The following PDE10A variants were observed in gnomAD, a reference collection of about 807,000 sequenced individuals.
PDE10A encodes phosphodiesterase 10A.
Under a neutral mutation model 97.7 loss-of-function variants are expected in PDE10A, and 39 were observed. That is an observed-to-expected ratio of 0.40 (90% confidence interval 0.31 to 0.52). The LOEUF (loss-of-function observed/expected upper bound fraction) is 0.52. Ranked by LOEUF, PDE10A falls within the 20% of genes least tolerant of loss-of-function variation. The probability of loss-of-function intolerance (pLI) is 0.56; values close to 1 mark genes in which losing one functional copy is unlikely to be tolerated. For missense variants in PDE10A, 731 were observed against 1,047.8 expected, an observed-to-expected ratio of 0.70 and a Z score of 4.17; for synonymous variants, 371 against 376.8, an observed-to-expected ratio of 0.98 and a Z score of 0.18.
chr6:165,839,680 C>T (rs1361917772), intron 1 of PDE10A, among the ~76,000 whole-genome samples: 8 of 150,280 alleles, frequency 5.3e-5, no homozygotes, highest in African/African-American at 9.8e-5. Context: ...TCCTGATGTC[C>T]GTGTCCATCT....
At chr6:165,794,532 A>T (rs1035555887) in intron 1 of PDE10A, among the ~76,000 whole-genome samples, 8 of 151,698 alleles carry the variant, frequency 5.3e-5, no homozygotes, top group African/African-American at 1.9e-4. Context: ...GCACACCCTC[A>T]CACACACTCA....
chr6:165,498,818 T>C (rs1166299738), intron 2 of PDE10A, among the ~76,000 whole-genome samples: 1 of 152,222 alleles, frequency 6.6e-6, no homozygotes, highest in African/African-American at 2.4e-5. Flanking sequence ...TTTTTGTTAT[T>C]ATTAGAGTAC....
At chr6:165,679,066 C>T (rs1790903569) in intron 1 of PDE10A, among the ~76,000 whole-genome samples, 1 of 152,178 alleles carries the variant, frequency 6.6e-6, no homozygotes. Flanking sequence ...ACATGAGAGA[C>T]ATTTAAAGTA....
At chr6:165,591,813 T>C (rs1786287953) in intron 1 of PDE10A, among the ~76,000 whole-genome samples, 1 of 152,182 alleles carries the variant, frequency 6.6e-6, no homozygotes, top group African/African-American at 2.4e-5. Context: ...GAAAGAAACT[T>C]AAAACTCCAT....
chr6:165,952,689 G>A (rs549404033), intron 1 of PDE10A, among the ~76,000 whole-genome samples: 39 of 152,326 alleles, frequency 2.6e-4, no homozygotes, highest in Non-Finnish European at 5.4e-4. Flanking sequence ...TGCACGGGAC[G>A]GAAAGCGCAG....
chr6:165,788,518 CAAAAAAAAAAAA>C (rs56927613), intron 1 of PDE10A, among the ~76,000 whole-genome samples: 2 of 74,764 alleles, frequency 2.7e-5, no homozygotes, highest in Non-Finnish European at 4.6e-5. Flanking sequence ...AACTCTGTCT[CAAAAAAAAAAAA>C]AAAAAAAAAG....
intron 2 of PDE10A, among the ~76,000 whole-genome samples, chr6:165,520,780 C>T (rs554148942): frequency 6.6e-6 from 1 of 152,198 alleles, no homozygotes; most frequent in East Asian, 1.9e-4. Flanking sequence ...GAATATGACA[C>T]ACCCTTTGTA....
intron 18 of PDE10A, among the ~76,000 whole-genome samples, chr6:165,362,238 G>A (rs1288436884): frequency 6.6e-6 from 1 of 152,028 alleles, no homozygotes; most frequent in Non-Finnish European, 1.5e-5. Flanking sequence ...AAAAATCAAT[G>A]ATACCAAAAG....
At chr6:165,497,365 A>G (rs1482924463) in intron 2 of PDE10A, among the ~76,000 whole-genome samples, 1 of 152,188 alleles carries the variant, frequency 6.6e-6, no homozygotes, top group African/African-American at 2.4e-5. Context: ...TGTGAACTGC[A>G]CGTGTTCTTC....
At chr6:165,450,854 C>T (rs764315792) in intron 3 of PDE10A, among the ~76,000 whole-genome samples, 5 of 152,208 alleles carry the variant, frequency 3.3e-5, no homozygotes, top group Non-Finnish European at 4.4e-5. Flanking sequence ...TGAGCCACTG[C>T]ACCCGGCCGA....
At chr6:165,645,731 G>C (rs1789360821) in intron 1 of PDE10A, among the ~76,000 whole-genome samples, 1 of 151,598 alleles carries the variant, frequency 6.6e-6, no homozygotes, top group African/African-American at 2.4e-5. Context: ...GTGTGCACCT[G>C]TAATCCCAGC....
intron 5 of PDE10A, among the ~76,000 whole-genome samples, chr6:165,448,387 C>A (rs563525622): frequency 2.4e-4 from 36 of 152,224 alleles, no homozygotes; most frequent in African/African-American, 7.5e-4. Context: ...ACGCAGGATC[C>A]GGCCTGGTGG....
chr6:165,649,802 TACA>T (rs914099392), intron 1 of PDE10A, among the ~76,000 whole-genome samples: 3 of 152,248 alleles, frequency 2.0e-5, no homozygotes, highest in Non-Finnish European at 4.4e-5. Flanking sequence ...CTCATGTTTC[TACA>T]ACAAGGCATC....
At chr6:165,875,847 G>A (rs1781331972) in intron 1 of PDE10A, among the ~76,000 whole-genome samples, 1 of 151,550 alleles carries the variant, frequency 6.6e-6, no homozygotes, top group African/African-American at 2.4e-5. Flanking sequence ...TAAGCGTAGG[G>A]TTTTGACTTT....
intron 1 of PDE10A, among the ~76,000 whole-genome samples, chr6:165,941,687 C>T (rs947297090): frequency 3.1e-4 from 47 of 152,184 alleles, no homozygotes; most frequent in African/African-American, 1.1e-3. Context: ...CTCCCTTTGC[C>T]TTCTGCCATG....
At chr6:165,804,301 T>C (rs1779057585) in intron 1 of PDE10A, among the ~76,000 whole-genome samples, 2 of 152,232 alleles carry the variant, frequency 1.3e-5, no homozygotes, top group Admixed American at 1.3e-4. Flanking sequence ...TGTAGTATTT[T>C]CTTCCAAATC....
At chr6:165,804,478 G>T (rs1168919866) in intron 1 of PDE10A, among the ~76,000 whole-genome samples, 2 of 152,178 alleles carry the variant, frequency 1.3e-5, no homozygotes, top group East Asian at 3.9e-4. Flanking sequence ...TGTATTGTGC[G>T]GTGGGGAGAG....
At chr6:165,903,541 A>T (rs1477641110) in intron 1 of PDE10A, among the ~76,000 whole-genome samples, 1 of 152,134 alleles carries the variant, frequency 6.6e-6, no homozygotes, top group East Asian at 1.9e-4. Flanking sequence ...GGCAAATAAG[A>T]TTTCTCCTTT....
intron 1 of PDE10A, among the ~76,000 whole-genome samples, chr6:165,703,860 C>A (rs1342779560): frequency 6.6e-6 from 1 of 152,166 alleles, no homozygotes; most frequent in Non-Finnish European, 1.5e-5. Context: ...AAATCCTTTG[C>A]GAGTCTCCAC....
Sources: allele counts gnomAD v4.1 joint callset (sites outside exome capture counted in the v4.1 genomes callset), GRCh38; gene constraint gnomAD v4.1.1; transcripts MANE v1.5; gene names NCBI Gene and HGNC (gene_info 2026-07-23, HGNC 2026-07-21).